The following MED13L variants were observed in gnomAD, a reference collection of about 807,000 sequenced individuals.
MED13L encodes the protein mediator complex subunit 13L, also known as mediator of RNA polymerase II transcription subunit 13-like.
A neutral mutation model predicts 220.9 loss-of-function variants in MED13L; 7 were observed. The observed-to-expected ratio is 0.03, with a 90% CI of 0.02 to 0.06. The LOEUF (loss-of-function observed/expected upper bound fraction) is 0.06, where lower values mean the gene tolerates loss of function less well. MED13L is among the 10% of genes least tolerant of loss of function. MED13L has a pLI of 1.00. For synonymous variants in MED13L, 1,011 were observed against 1,015.2 expected (o/e 1.00, Z 0.08); for missense variants, 1,965 against 2,760.5 (o/e 0.71, Z 6.46).
At chr12:115,987,685 GA>G (rs1424032841) in intron 17 of MED13L, among the ~76,000 whole-genome samples, 2 of 151,998 alleles carry the variant, frequency 1.3e-5, no homozygotes, top group African/African-American at 4.8e-5. Flanking sequence ...TGATAAGTAG[GA>G]AAAAATGGAA....
chr12:116,018,973 G>A (rs1210770410), intron 7 of MED13L, among the ~76,000 whole-genome samples: 1 of 151,508 alleles, frequency 6.6e-6, no homozygotes, highest in Non-Finnish European at 1.5e-5. Context: ...GGGCAGATGT[G>A]TGTGCAAACT....
At chr12:116,243,578 A>T (rs1870838019) in intron 1 of MED13L, among the ~76,000 whole-genome samples, 1 of 152,072 alleles carries the variant, frequency 6.6e-6, no homozygotes, top group Non-Finnish European at 1.5e-5. Flanking sequence ...TACAATATAC[A>T]GGAAATGAGA....
intron 4 of MED13L, among the ~76,000 whole-genome samples, chr12:116,096,425 T>C (rs1872650830): frequency 7.4e-6 from 1 of 135,620 alleles, no homozygotes; most frequent in Non-Finnish European, 1.6e-5. Flanking sequence ...AAACAGATTA[T>C]CTTAATTCCA....
At chr12:116,173,143 T>C (rs1879804716) in intron 2 of MED13L, among the ~76,000 whole-genome samples, 3 of 150,368 alleles carry the variant, frequency 2.0e-5, no homozygotes, top group South Asian at 2.1e-4. Flanking sequence ...GGTGATTCTA[T>C]ATCATCAATC....
intron 1 of MED13L, among the ~76,000 whole-genome samples, chr12:116,253,744 G>GTTTTT (rs1278727900): frequency 9.2e-6 from 1 of 108,686 alleles, no homozygotes; most frequent in African/African-American, 3.8e-5. Context: ...CACCTTCACG[G>GTTTTT]TTTTTTTTGT....
chr12:116,202,394 T>C (rs1235801908), intron 2 of MED13L, among the ~76,000 whole-genome samples: 2 of 152,182 alleles, frequency 1.3e-5, no homozygotes. Flanking sequence ...GAGCTTAAGA[T>C]TTTTTAAAAG....
intron 1 of MED13L, among the ~76,000 whole-genome samples, chr12:116,266,492 G>A (rs1593226757): frequency 6.6e-6 from 1 of 152,196 alleles, no homozygotes; most frequent in South Asian, 2.1e-4. Context: ...CCTCTCCTTG[G>A]CCTAGAAGAG....
At chr12:116,153,985 TAAC>T (rs922227107) in intron 2 of MED13L, among the ~76,000 whole-genome samples, 1 of 152,190 alleles carries the variant, frequency 6.6e-6, no homozygotes, top group African/African-American at 2.4e-5. Flanking sequence ...ATAGTAGGTA[TAAC>T]AACAACAAAA....
intron 2 of MED13L, among the ~76,000 whole-genome samples, chr12:116,131,834 A>G (rs1386667693): frequency 6.6e-6 from 1 of 152,116 alleles, no homozygotes; most frequent in East Asian, 1.9e-4. Flanking sequence ...CAAAAAAGTT[A>G]GCTGGGAGTG....
chr12:116,080,887 T>C (rs1457654373), intron 4 of MED13L, among the ~76,000 whole-genome samples: 1 of 152,234 alleles, frequency 6.6e-6, no homozygotes, highest in East Asian at 1.9e-4. Flanking sequence ...ACTTATTATT[T>C]GTACTTAGTA....
intron 4 of MED13L, among the ~76,000 whole-genome samples, chr12:116,095,241 T>C (rs1484599758): frequency 6.6e-6 from 1 of 152,096 alleles, no homozygotes; most frequent in Non-Finnish European, 1.5e-5. Context: ...TACATATATA[T>C]TTATAAGGGG....
chr12:116,043,362 G>A (rs1445961661), intron 4 of MED13L, among the ~76,000 whole-genome samples: 2 of 152,162 alleles, frequency 1.3e-5, no homozygotes, highest in Non-Finnish European at 2.9e-5. Flanking sequence ...GTCTGGTTCA[G>A]GGACCAATTA....
intron 22 of MED13L, among the ~76,000 whole-genome samples, chr12:115,981,662 C>A (rs758182083): frequency 2.0e-5 from 3 of 152,028 alleles, no homozygotes; most frequent in South Asian, 2.1e-4. Context: ...TATACATAAA[C>A]GTGTCCTATG....
chr12:116,157,635 C>A (rs919937281), intron 2 of MED13L, among the ~76,000 whole-genome samples: 1 of 152,226 alleles, frequency 6.6e-6, no homozygotes, highest in Non-Finnish European at 1.5e-5. Flanking sequence ...TTACAGAAAG[C>A]ACACAAATAT....
At chr12:116,256,421 G>A (rs1056814927) in intron 1 of MED13L, among the ~76,000 whole-genome samples, 3 of 152,038 alleles carry the variant, frequency 2.0e-5, no homozygotes, top group African/African-American at 7.2e-5. Flanking sequence ...ATTGGTAGTT[G>A]CCTGGAGGGG....
At chr12:116,055,449 G>A (rs1868873274) in intron 4 of MED13L, among the ~76,000 whole-genome samples, 1 of 152,194 alleles carries the variant, frequency 6.6e-6, no homozygotes, top group African/African-American at 2.4e-5. Flanking sequence ...GAGATATAGA[G>A]GAGTCAAAGC....
intron 2 of MED13L, among the ~76,000 whole-genome samples, chr12:116,112,443 T>C (rs1458303307): frequency 2.0e-5 from 3 of 152,338 alleles, no homozygotes; most frequent in East Asian, 1.9e-4. Context: ...ACCACACCAG[T>C]AGACATACCA....
chr12:116,221,492 A>G (rs1430367950), intron 2 of MED13L, among the ~76,000 whole-genome samples: 1 of 152,186 alleles, frequency 6.6e-6, no homozygotes, highest in Admixed American at 6.5e-5. Flanking sequence ...ATTACCAAGC[A>G]CCTACCACAA....
At chr12:116,269,526 A>T (rs1012372454) in intron 1 of MED13L, among the ~76,000 whole-genome samples, 1 of 149,572 alleles carries the variant, frequency 6.7e-6, no homozygotes, top group Admixed American at 6.7e-5. Context: ...ACTCAAGAGG[A>T]TCCTTTAACA....
Sources: gnomAD v4.1 joint callset for allele counts (sites outside exome capture counted in the v4.1 genomes callset) on GRCh38, gnomAD v4.1.1 for gene constraint, MANE v1.5 for transcripts, NCBI Gene and HGNC (gene_info 2026-07-23, HGNC 2026-07-21) for gene names.